The following ARPP21 variants were observed in gnomAD, a reference collection of about 807,000 sequenced individuals.
The protein encoded by ARPP21 is cAMP regulated phosphoprotein 21.
In ARPP21, 69 loss-of-function variants were observed where a neutral mutation model predicts 113.2. That is an observed-to-expected ratio of 0.61 (90% CI 0.50 to 0.74). The LOEUF (loss-of-function observed/expected upper bound fraction) is 0.74, where lower values mean the gene tolerates loss of function less well. ARPP21 is among the 30% of genes least tolerant of loss of function. ARPP21 has a pLI of 0.00. For missense variants in ARPP21, 1,070 were observed against 1,037.4 expected (o/e 1.03, Z -0.43); for synonymous variants, 368 against 375.5 (o/e 0.98, Z 0.23).
At chr3:35,645,442 A>G (rs754471049) in intron 1 of ARPP21, among the ~76,000 whole-genome samples, 1 of 151,900 alleles carries the variant, frequency 6.6e-6, no homozygotes, top group Non-Finnish European at 1.5e-5. Flanking sequence ...AATTTTCTAG[A>G]GTTTTCTGGT....
intron 1 of ARPP21, among the ~76,000 whole-genome samples, chr3:35,649,461 T>C (rs1701539747): frequency 6.6e-6 from 1 of 152,148 alleles, no homozygotes; most frequent in African/African-American, 2.4e-5. Context: ...ACTCAGTTAA[T>C]ATGGTCTTGG....
chr3:35,743,479 C>T (rs747866195), intron 18 of ARPP21, among the ~76,000 whole-genome samples: 2 of 152,138 alleles, frequency 1.3e-5, no homozygotes, highest in Non-Finnish European at 2.9e-5. Flanking sequence ...CTGTGTTCCC[C>T]ACATGGCCTT....
intron 19 of ARPP21, among the ~76,000 whole-genome samples, chr3:35,788,429 T>C (rs1290377035): frequency 6.6e-6 from 1 of 152,136 alleles, no homozygotes; most frequent in Non-Finnish European, 1.5e-5. Context: ...CATATTAAGA[T>C]TACTTCCCTT....
chr3:35,773,374 GT>G (rs1675666758), intron 19 of ARPP21, among the ~76,000 whole-genome samples: 1 of 152,144 alleles, frequency 6.6e-6, no homozygotes, highest in Non-Finnish European at 1.5e-5. Flanking sequence ...GGCAGGGGAA[GT>G]AACTGCCGTA....
intron 19 of ARPP21, among the ~76,000 whole-genome samples, chr3:35,745,760 A>G (rs954772648): frequency 3.3e-5 from 5 of 152,114 alleles, no homozygotes; most frequent in Admixed American, 2.0e-4. Flanking sequence ...GGCATTTTTT[A>G]CTCTTTAATA....
chr3:35,738,818 TA>T (rs1012446047), intron 17 of ARPP21, among the ~76,000 whole-genome samples: 9 of 152,206 alleles, frequency 5.9e-5, no homozygotes, highest in Admixed American at 5.9e-4. Context: ...GGCCAGTGAA[TA>T]AATACTCCCT....
intron 9 of ARPP21, among the ~76,000 whole-genome samples, chr3:35,702,483 C>T (rs1420848347): frequency 2.0e-5 from 3 of 151,640 alleles, no homozygotes; most frequent in Non-Finnish European, 4.4e-5. Context: ...GCAGAGGTAC[C>T]GGTGTAAGAG....
At chr3:35,667,910 GA>G (rs1559548267) in intron 1 of ARPP21, among the ~76,000 whole-genome samples, 47 of 63,844 alleles carry the variant, frequency 7.4e-4, no homozygotes, top group African/African-American at 3.6e-3. Context: ...AGAGGAAGAG[GA>G]AGGAGGAGGA....
At chr3:35,661,807 G>T (rs1423020070) in intron 1 of ARPP21, among the ~76,000 whole-genome samples, 2 of 152,102 alleles carry the variant, frequency 1.3e-5, no homozygotes, top group Non-Finnish European at 2.9e-5. Flanking sequence ...AATTTTAGTT[G>T]TTCCATGTGT....
chr3:35,767,095 C>A (rs1024683272), intron 19 of ARPP21, among the ~76,000 whole-genome samples: 1 of 152,108 alleles, frequency 6.6e-6, no homozygotes, highest in Non-Finnish European at 1.5e-5. Context: ...GTTAGGCCTG[C>A]CATGCATGAG....
At chr3:35,684,849 C>T in intron 5 of ARPP21, 1 of 982,830 alleles carries the variant, frequency 1.0e-6, no homozygotes, top group Non-Finnish European at 1.2e-6. Flanking sequence ...TGTCATAAGG[C>T]ATGGACAGGC....
At chr3:35,753,597 T>A (rs1162090427) in intron 19 of ARPP21, among the ~76,000 whole-genome samples, 1 of 152,014 alleles carries the variant, frequency 6.6e-6, no homozygotes, top group East Asian at 1.9e-4. Context: ...ATGGACTTAG[T>A]GGCATGGCTG....
At chr3:35,655,446 C>G (rs1704406552) in intron 1 of ARPP21, among the ~76,000 whole-genome samples, 1 of 151,902 alleles carries the variant, frequency 6.6e-6, no homozygotes, top group Non-Finnish European at 1.5e-5. Flanking sequence ...AGAGTGGAAA[C>G]TTGCCTGTAC....
At chr3:35,675,334 C>T (rs2077216432) in intron 1 of ARPP21, among the ~76,000 whole-genome samples, 1 of 151,808 alleles carries the variant, frequency 6.6e-6, no homozygotes, top group Admixed American at 6.6e-5. Context: ...CACACTCAAA[C>T]TGAAACTAAC....
intron 14 of ARPP21, among the ~76,000 whole-genome samples, chr3:35,722,757 G>C (rs1434136762): frequency 6.6e-6 from 1 of 152,190 alleles, no homozygotes; most frequent in Admixed American, 6.5e-5. Context: ...ACTGATGGAA[G>C]CATACACCAC....
At chr3:35,759,676 CTGTGTGTGTG>C (rs57456659) in intron 19 of ARPP21, among the ~76,000 whole-genome samples, 1 of 140,896 alleles carries the variant, frequency 7.1e-6, no homozygotes, top group East Asian at 2.0e-4. Flanking sequence ...TTTTCTCTCT[CTGTGTGTGTG>C]TGTGTGTGTG....
chr3:35,685,260 G>A, intron 5 of ARPP21: 1 of 985,212 alleles, frequency 1.0e-6, no homozygotes, highest in South Asian at 4.7e-5. Flanking sequence ...CATACAATTG[G>A]TGCAGAGAAA....
chr3:35,709,142 C>A, intron 11 of ARPP21, 72 bp downstream of exon 11: 1 of 1,023,650 alleles, frequency 9.8e-7, no homozygotes, highest in Non-Finnish European at 1.5e-6. Context: ...ATTCCCCAGA[C>A]AGCGAGGTGG....
At chr3:35,684,800 GTT>G in intron 5 of ARPP21, 1 of 971,430 alleles carries the variant, frequency 1.0e-6, no homozygotes, top group Non-Finnish European at 1.2e-6. Flanking sequence ...CTAAGAGAGT[GTT>G]TTTTTTTCTA....
Sources: allele counts gnomAD v4.1 joint callset (sites outside exome capture counted in the v4.1 genomes callset), GRCh38; gene constraint gnomAD v4.1.1; transcripts MANE v1.5; gene names NCBI Gene and HGNC (gene_info 2026-07-23, HGNC 2026-07-21).